GTSE1: variants seen among roughly 807,000 people sequenced by gnomAD.
GTSE1 encodes G2 and S-phase expressed 1.
Under a neutral mutation model 60.5 loss-of-function variants are expected in GTSE1, and 52 were observed. The ratio of observed to expected loss-of-function variants is 0.86; its 90% CI spans 0.69 to 1.08. The LOEUF (loss-of-function observed/expected upper bound fraction) is 1.08, where lower values mean the gene tolerates loss of function less well. Ranked by LOEUF, GTSE1 falls within the 50% of genes least tolerant of loss-of-function variation. The pLI is 0.00. For synonymous variants in GTSE1, 368 were observed against 386.5 expected, an observed-to-expected ratio of 0.95 and a Z score of 0.56; for missense variants, 937 against 961.8, an observed-to-expected ratio of 0.97 and a Z score of 0.34.
chr22:46,328,490 T>C (rs2077856498), intron 9 of GTSE1, among the ~76,000 whole-genome samples, 198 bp from the exon 10 acceptor site: 1 of 152,082 alleles, frequency 6.6e-6, no homozygotes, highest in Admixed American at 6.5e-5. Flanking sequence ...CAGCTAAGAT[T>C]TGTGAGCTGA....
chr22:46,297,117 C>G lies in GTSE1; in HGVS notation c.-22+186C>G, dbSNP rs1398265501. On this transcript the variant is annotated intron_variant, in intron 1 of 11. Coordinates refer to ENST00000454366, the MANE Select transcript of GTSE1 (RefSeq NM_016426.7). This position sits in a 1 kb window ranked among gnomAD's most constrained non-coding sequence, Gnocchi z 4.9. ...GGGAGGTCTAGGGCTGCCCCCCAGG[C>G]AAACAGAGCCCCCAACACTCTGGCC... Among the ~76,000 whole-genome samples, 1 of 152,238 alleles carries G rather than the reference C, an allele frequency of 6.6e-6. No homozygotes were observed. The highest frequency in any genetic ancestry group is 1.5e-5 in the Non-Finnish European group (1 of 68,034).
intron 2 of GTSE1, among the ~76,000 whole-genome samples, chr22:46,305,948 T>C (rs1278260668): frequency 6.6e-6 from 1 of 152,100 alleles, no homozygotes; most frequent in Non-Finnish European, 1.5e-5. Flanking sequence ...CCTAGAAAAT[T>C]ATCTCTTTCA....
rs139555322 is a variant in GTSE1, at chr22:46,313,752, C to T, written c.928-138C>T. ...TCAAACTCCTGACCTTGTGATCCTC[C>T]GGCCTCAGCCTCCCAAAGTGCTGGG... On this transcript the variant is annotated intron_variant, in intron 5 of 11. Transcript: ENST00000454366. This position sits in a 1 kb window ranked among gnomAD's most constrained non-coding sequence, Gnocchi z 4.4. 19,054 of 804,584 alleles carry T rather than the reference C, an allele frequency of 0.024. 279 individuals are homozygous for T. The highest frequency in any genetic ancestry group is 0.028 in the Non-Finnish European group (14,254 of 500,680). 49.8% of individuals were successfully genotyped at this position (804,584 alleles called of 1,614,324 possible). A position where few individuals can be genotyped will look rare whatever the true frequency, so the allele number is the denominator to read the frequency against.
In GTSE1 at chr22:46,323,198, C is replaced by A; in HGVS notation, c.1441C>A (p.Pro481Thr). 1 of 1,613,194 alleles carries A rather than the reference C, an allele frequency of 6.2e-7. No individual in the cohort carries two copies. Among genetic ancestry groups the A allele is most frequent in the South Asian group, 1.1e-5 (1 of 91,058 alleles). ...KIPKFSIGDS[P>T]DSSTPKLSRA... ...TCCTTTCTTGGACTTAGGTGACTCC[C>A]CGGACAGCTCAACACCAAAGCTTTC... The change falls in exon 8 of 12, where the codon CCG becomes ACG. Residue 481 changes from proline (P) to threonine (T), a missense_variant. Transcript: ENST00000454366.
At position 46,308,354 on chromosome 22, in the gene GTSE1, T is replaced by G; in HGVS notation, c.173T>G (p.Phe58Cys). Residue 58 changes from phenylalanine to cysteine, a missense_variant, in exon 4 of 12, where the codon TTT becomes TGT. Physicochemically the swap from Phe to Cys is radical, Grantham distance 205. Coordinates refer to ENST00000454366, the MANE Select transcript of GTSE1 (RefSeq NM_016426.7). ...NEDDEVFFGP[F>C]GHKERCIAAS... is the part of the protein sequence containing the mutation. ...GATGATGAAGTCTTCTTCGGACCCT[T>G]TGGACATAAAGAAAGATGTATTGCT... The G allele has an allele frequency of 1.2e-6, 2 of 1,614,096 alleles. No homozygotes were observed. The highest frequency in any genetic ancestry group is 1.7e-6 in the Non-Finnish European group (2 of 1,179,932).
At chr22:46,302,928 C>T (rs1256662992) in intron 2 of GTSE1, among the ~76,000 whole-genome samples, 11 of 123,406 alleles carry the variant, frequency 8.9e-5, no homozygotes, top group Middle Eastern at 5.6e-3. Flanking sequence ...GAGTTGGAGT[C>T]TTGCTCTGTC....
chr22:46,304,312 G>T lies in GTSE1; in HGVS notation c.80-3838G>T, dbSNP rs569078044. On this transcript the variant is annotated intron_variant, in intron 2 of 11. Coordinates refer to ENST00000454366, the MANE Select transcript of GTSE1 (RefSeq NM_016426.7). This position sits in a 1 kb window ranked among gnomAD's most constrained non-coding sequence, Gnocchi z 4.4. ...GCCTACCTTTGTTGTTTTAAGGGTTGTTACTTCAGCATGTTAGCCTATCCT... is the reference window on the plus strand; with the variant it reads ...GCCTACCTTTGTTGTTTTAAGGGTTTTTACTTCAGCATGTTAGCCTATCCT... Among the ~76,000 whole-genome samples the T allele has an allele frequency of 2.6e-4, 39 of 152,232 alleles. No homozygotes were observed. In the South Asian group the frequency reaches 7.0e-3, roughly 27 times the overall value.
At chr22:46,301,551 G>A (rs902128193) in intron 2 of GTSE1, among the ~76,000 whole-genome samples, 13 of 149,924 alleles carry the variant, frequency 8.7e-5, no homozygotes, top group Non-Finnish European at 1.2e-4. Flanking sequence ...GCAATGGTGC[G>A]ATCTCGGCTC....
At chr22:46,322,415 T>C (rs1250390399) in intron 7 of GTSE1, among the ~76,000 whole-genome samples, 1 of 152,102 alleles carries the variant, frequency 6.6e-6, no homozygotes, top group Non-Finnish European at 1.5e-5. Flanking sequence ...TTCCCAGACA[T>C]AGCAAGGTGT....
intron 2 of GTSE1, among the ~76,000 whole-genome samples, chr22:46,305,616 TA>T (rs2077711297): frequency 1.1e-5 from 1 of 88,050 alleles, no homozygotes; most frequent in African/African-American, 4.4e-5. Flanking sequence ...CTCAAAAAAA[TA>T]AAAAGAATAT....
chr22:46,315,049 C>T lies in GTSE1; in HGVS notation c.1052-983C>T, dbSNP rs189964214. On this transcript the variant is annotated intron_variant, in intron 6 of 11. Coordinates refer to ENST00000454366, the MANE Select transcript of GTSE1 (RefSeq NM_016426.7). ...GACTACAGGCACATGCCACCACACC[C>T]GGCTAATTTTTGTGGGTTTTTTTTT... Among the ~76,000 whole-genome samples the T allele has an allele frequency of 1.1e-3, 171 of 150,168 alleles. 1 individual carries two copies. Among genetic ancestry groups the T allele is most frequent in the Non-Finnish European group, 1.2e-3 (83 of 67,748 alleles).
rs1427396063 is a variant in GTSE1 at position 46,308,929 on chromosome 22, G to A, written c.748G>A (p.Gly250Arg). 6.2e-6 allele frequency: 10 copies of A among 1,610,136 alleles called. No homozygotes were observed. The African/African-American group carries it at 1.3e-4, about 22-fold the overall frequency. The change falls in exon 4 of 12, where the codon GGG becomes AGG. Residue 250 changes from glycine (G) to arginine (R), a missense_variant. Coordinates refer to ENST00000454366, the MANE Select transcript of GTSE1 (RefSeq NM_016426.7). Reference sequence around the variant, plus strand: ...CTCTGTTAGAGGAAGAAGCATCCCTGGGGCTGCGGAGAAGGTAAATGCCAC... The same window carrying A: ...CTCTGTTAGAGGAAGAAGCATCCCTAGGGCTGCGGAGAAGGTAAATGCCAC... ...AASVRGRSIP[G>R]AAEKPKKEIP...
In GTSE1 at chr22:46,308,655, C is replaced by A. The variant is rs746454453; in HGVS notation, c.474C>A (p.Pro158=). The A allele has an allele frequency of 1.1e-5, 17 of 1,614,018 alleles. No individual in the cohort carries two copies. The Admixed American group carries it at 2.7e-4, about 25-fold the overall frequency. ...FEKEKEMKKS[P]TSLKRETYYL... ...AAGAAAAGGAAATGAAGAAAAGCCC[C>A]ACGTCTCTTAAAAGGGAGACATACT... The change falls in exon 4 of 12, where the codon CCC becomes CCA. Residue 158 remains proline, a synonymous_variant. Coordinates refer to ENST00000454366, the MANE Select transcript of GTSE1 (RefSeq NM_016426.7).
At chr22:46,299,862 G>T (rs144139458) in intron 2 of GTSE1, among the ~76,000 whole-genome samples, 2 of 150,198 alleles carry the variant, frequency 1.3e-5, no homozygotes, top group African/African-American at 2.5e-5. Flanking sequence ...GCGTGATCTC[G>T]GCTTACTGCA....
In GTSE1 at chr22:46,328,830, A is replaced by G; in HGVS notation, c.1867A>G (p.Thr623Ala). Residue 623 changes from threonine (T) to alanine (A), a missense_variant, in exon 10 of 12, where the codon ACT becomes GCT. Transcript: ENST00000454366. ...EESDSTFSKS[T>A]ATEVAREEAK... ...AAGCGATTCTACTTTCTCCAAAAGT[A>G]CTGCCACAGAAGTAGCTCGGGAGGA... is the stretch of plus-strand genomic sequence containing the variant. The G allele has an allele frequency of 6.2e-7, 1 of 1,614,140 alleles. No homozygotes were observed.
rs1476989127 is a variant in GTSE1, at chr22:46,310,542, A to T, written c.762+1599A>T. Among the ~76,000 whole-genome samples, 3 of 152,254 alleles carry T rather than the reference A, an allele frequency of 2.0e-5. No homozygotes were observed. Among genetic ancestry groups the T allele is most frequent in the African/African-American group, 7.2e-5 (3 of 41,478 alleles). ...TGTTCGAAGCAGCATTATTCATAAC[A>T]GCCAAAAAAGTAGGACCAACCCAGG... is the stretch of plus-strand genomic sequence containing the variant. On this transcript the variant is annotated intron_variant, in intron 4 of 11. Transcript: ENST00000454366. The surrounding 1 kb of genome is among the most constrained non-coding windows in gnomAD (Gnocchi z 4.4).
In GTSE1 at chr22:46,329,450, C is replaced by T. The variant is rs61737807; in HGVS notation, c.2019C>T (p.Cys673=). Residue 673 remains cysteine, a synonymous_variant, in exon 11 of 12, where the codon TGC becomes TGT. Coordinates refer to ENST00000454366, the MANE Select transcript of GTSE1 (RefSeq NM_016426.7). The surrounding 1 kb of genome is among the most constrained non-coding windows in gnomAD (Gnocchi z 6.4). ...PLIDLPLIDF[C]DTPEAHVAVG... ...TTGACCTTCCTCTCATCGACTTCTG[C>T]GATACCCCAGAAGCACACGTGGCTG... 25 of 1,613,672 alleles carry T rather than the reference C, an allele frequency of 1.5e-5. No homozygotes were observed. The highest frequency in any genetic ancestry group is 6.7e-5 in the African/African-American group (5 of 74,930).
intron 9 of GTSE1, 77 bp downstream of exon 9, chr22:46,326,731 T>C: frequency 9.9e-7 from 1 of 1,013,468 alleles, no homozygotes. Flanking sequence ...ACCTTTTTCT[T>C]GCCTTGCTCC....
chr22:46,322,425 T>C (rs1161551312), intron 7 of GTSE1, among the ~76,000 whole-genome samples: 1 of 152,160 alleles, frequency 6.6e-6, no homozygotes, highest in Non-Finnish European at 1.5e-5. Context: ...TAGCAAGGTG[T>C]TCCAAGGGGG....
Sources: allele counts gnomAD v4.1 joint callset (sites outside exome capture counted in the v4.1 genomes callset), GRCh38; gene constraint gnomAD v4.1.1; non-coding constraint Gnocchi (gnomAD v3.1); transcripts MANE v1.5; gene names NCBI Gene and HGNC (gene_info 2026-07-23, HGNC 2026-07-21).